VPS35L: variants seen among roughly 807,000 people sequenced by gnomAD.
The protein encoded by VPS35L is VPS35 endosomal protein sorting factor like, also known as VPS35 endosomal protein-sorting factor-like.
VPS35L carries 83 observed loss-of-function variants against 133.0 expected under a neutral mutation model. The observed-to-expected ratio is 0.62, with a 90% CI of 0.52 to 0.75. VPS35L has a LOEUF of 0.75. Ranked by LOEUF, VPS35L falls within the 30% of genes least tolerant of loss-of-function variation. The pLI, the probability that VPS35L is intolerant of heterozygous loss-of-function variation, is 0.00. For missense variants in VPS35L, 1,083 were observed against 1,206.8 expected (o/e 0.90, Z 1.52); for synonymous variants, 423 against 449.9 (o/e 0.94, Z 0.76).
At chr16:19,693,715 C>T (rs1314255554) in intron 29 of VPS35L, among the ~76,000 whole-genome samples, 4 of 151,620 alleles carry the variant, frequency 2.6e-5, no homozygotes, top group African/African-American at 7.3e-5. Context: ...ACCCGGGAGG[C>T]GGAGGTTGCC....
Position 19,591,890 on chromosome 16 carries a change from A to G in VPS35L, c.724+16A>G, listed in dbSNP as rs976515355. On this transcript the variant is annotated intron_variant, in intron 8 of 30. Coordinates refer to ENST00000417362, the MANE Select transcript of VPS35L (RefSeq NM_020314.7). Reference sequence around the variant, plus strand: ...GATACATTTGGTAAGTACCTGTCATATGCATCTTAGATCTAGGAAATGTGT... The same window carrying G: ...GATACATTTGGTAAGTACCTGTCATGTGCATCTTAGATCTAGGAAATGTGT... 2 of 1,553,714 alleles carry G rather than the reference A, an allele frequency of 1.3e-6. No homozygotes were observed. Among genetic ancestry groups the G allele is most frequent in the African/African-American group, 1.4e-5 (1 of 73,624 alleles).
chr16:19,664,083 A>G (rs1214282045), intron 26 of VPS35L, among the ~76,000 whole-genome samples: 1 of 152,074 alleles, frequency 6.6e-6, no homozygotes. Flanking sequence ...TCAGATGGAA[A>G]ATGTCAAATG....
chr16:19,670,997 GTTC>G (rs747135899), intron 27 of VPS35L, among the ~76,000 whole-genome samples: 5 of 152,188 alleles, frequency 3.3e-5, no homozygotes, highest in Admixed American at 6.5e-5. Context: ...GATTGTGTAT[GTTC>G]TTCTTCCTTT....
chr16:19,616,926 A>G (rs1415278576), intron 14 of VPS35L, 118 bp downstream of exon 14: 1 of 1,459,208 alleles, frequency 6.9e-7, no homozygotes, highest in African/African-American at 1.4e-5. Flanking sequence ...TGTTAGTGCT[A>G]GCCAGCCTTT....
At chr16:19,693,592 C>A (rs945075654) in intron 29 of VPS35L, among the ~76,000 whole-genome samples, 1 of 152,060 alleles carries the variant, frequency 6.6e-6, no homozygotes, top group Non-Finnish European at 1.5e-5. Flanking sequence ...ACCAGCCTGG[C>A]CAACATGGCA....
chr16:19,564,854 C>T lies in VPS35L; in HGVS notation c.21C>T (p.His7=), dbSNP rs777638235. The change falls in exon 2 of 31, where the codon CAC becomes CAT. Residue 7 remains histidine, a synonymous_variant. Transcript: ENST00000417362. The part of the protein sequence containing the change: MAVFPW[H]SRNRNYKAEF... Reference sequence around the variant, plus strand: ...GCTGTGTTTCGCTGTTTACCAGGCACTCCAGGAATAGGAACTACAAAGCTG... The same window carrying T: ...GCTGTGTTTCGCTGTTTACCAGGCATTCCAGGAATAGGAACTACAAAGCTG... 9 of 1,612,886 alleles carry T rather than the reference C, an allele frequency of 5.6e-6. 1 individual carries two copies. Among genetic ancestry groups the T allele is most frequent in the Middle Eastern group, 1.7e-4 (1 of 6,054 alleles).
chr16:19,587,456 CCT>C (rs1364915629), intron 7 of VPS35L: 2 of 357,356 alleles, frequency 5.6e-6, no homozygotes, highest in Non-Finnish European at 5.5e-6. Context: ...ATGGAGAAAC[CCT>C]GTCTCTACTA....
chr16:19,629,153 T>C (rs226900), intron 17 of VPS35L, among the ~76,000 whole-genome samples: 152,081 of 152,292 alleles, frequency 1, 75,938 homozygotes, highest in Middle Eastern at 1. Flanking sequence ...CCTTCCAAGC[T>C]GAACATGGTA....
chr16:19,609,172 A>G (rs1490300033), intron 11 of VPS35L, 151 bp downstream of exon 11: 1 of 693,518 alleles, frequency 1.4e-6, no homozygotes, highest in Admixed American at 2.5e-5. Flanking sequence ...TTGAATCCAA[A>G]TGAAAACTGA....
chr16:19,574,319 T>C (rs1971469277), intron 4 of VPS35L, among the ~76,000 whole-genome samples: 1 of 152,176 alleles, frequency 6.6e-6, no homozygotes, highest in Non-Finnish European at 1.5e-5. Flanking sequence ...GAAAGAAAGA[T>C]GCGCCCCCTC....
At chr16:19,647,757 T>C (rs768908314) in intron 23 of VPS35L, 27 bp from the exon 24 acceptor site, 3 of 1,575,298 alleles carry the variant, frequency 1.9e-6, no homozygotes, top group South Asian at 2.2e-5. Context: ...CCACTGTCCC[T>C]TTCAGCGTCT....
At chr16:19,692,538 C>G (rs1975729861) in intron 29 of VPS35L, among the ~76,000 whole-genome samples, 1 of 151,970 alleles carries the variant, frequency 6.6e-6, no homozygotes, top group Admixed American at 6.5e-5. Context: ...CCTCCTCAAC[C>G]AAGGCCTTTC....
At chr16:19,614,831 CCT>C (rs1972834470) in intron 12 of VPS35L, among the ~76,000 whole-genome samples, 1 of 152,194 alleles carries the variant, frequency 6.6e-6, no homozygotes, top group Non-Finnish European at 1.5e-5. Context: ...GTAGCTCATC[CCT>C]CTACTTTTCC....
At chr16:19,673,794 C>T (rs1342102100) in intron 27 of VPS35L, among the ~76,000 whole-genome samples, 1 of 152,142 alleles carries the variant, frequency 6.6e-6, no homozygotes, top group African/African-American at 2.4e-5. Context: ...GGAATCATTG[C>T]ACCTTTTTCA....
At chr16:19,631,986 G>T (rs1207686516) in intron 18 of VPS35L, among the ~76,000 whole-genome samples, 1 of 152,036 alleles carries the variant, frequency 6.6e-6, no homozygotes, top group Non-Finnish European at 1.5e-5. Context: ...TTTTGAGATG[G>T]AGTCTCACTC....
chr16:19,672,026 A>G (rs959378889), intron 27 of VPS35L, among the ~76,000 whole-genome samples: 2 of 152,214 alleles, frequency 1.3e-5, no homozygotes, highest in Admixed American at 6.5e-5. Context: ...CTGTATGCCT[A>G]GGCTGAGCTC....
At chr16:19,697,140 A>AGGC (rs1446474976) in intron 29 of VPS35L, among the ~76,000 whole-genome samples, 1 of 152,190 alleles carries the variant, frequency 6.6e-6, no homozygotes, top group Admixed American at 6.5e-5. Flanking sequence ...TTTCTCTTGT[A>AGGC]GCCCGCGGGC....
intron 9 of VPS35L, among the ~76,000 whole-genome samples, chr16:19,605,062 G>A (rs992485993): frequency 6.6e-6 from 1 of 152,132 alleles, no homozygotes; most frequent in African/African-American, 2.4e-5. Flanking sequence ...GGGCCACATC[G>A]GGATAAGCAG....
chr16:19,626,925 T>C (rs954450512), intron 15 of VPS35L, among the ~76,000 whole-genome samples: 1 of 152,148 alleles, frequency 6.6e-6, no homozygotes, highest in African/African-American at 2.4e-5. Flanking sequence ...GCATGGGCTT[T>C]GTTTACCACT....
Sources: allele counts gnomAD v4.1 joint callset (sites outside exome capture counted in the v4.1 genomes callset), GRCh38; gene constraint gnomAD v4.1.1; transcripts MANE v1.5; gene names NCBI Gene and HGNC (gene_info 2026-07-23, HGNC 2026-07-21).